CNTN5: variants seen among roughly 807,000 people sequenced by gnomAD.
CNTN5 encodes the protein contactin 5.
Under a neutral mutation model 129.1 loss-of-function variants are expected in CNTN5, and 77 were observed. The ratio of observed to expected loss-of-function variants is 0.60; its 90% CI spans 0.50 to 0.72. The LOEUF is 0.72. CNTN5 is among the 30% of genes least tolerant of loss of function. CNTN5 has a pLI of 0.00. For missense variants in CNTN5, 1,478 were observed against 1,328.8 expected (o/e 1.11, Z -1.75); for synonymous variants, 509 against 465.6 (o/e 1.09, Z -1.20).
chr11:99,952,410 T>G (rs538834829), intron 7 of CNTN5, among the ~76,000 whole-genome samples: 1 of 152,270 alleles, frequency 6.6e-6, no homozygotes, highest in Non-Finnish European at 1.5e-5. Context: ...AAAGACAATT[T>G]GTAAATATTA....
intron 3 of CNTN5, among the ~76,000 whole-genome samples, chr11:99,803,908 C>T (rs1418120531): frequency 1.4e-4 from 21 of 152,178 alleles, no homozygotes; most frequent in Non-Finnish European, 1.0e-4. Context: ...TCTTTACGAA[C>T]TCTTGCTCTT....
At chr11:99,706,134 GC>G (rs1490609729) in intron 3 of CNTN5, among the ~76,000 whole-genome samples, 1 of 151,436 alleles carries the variant, frequency 6.6e-6, no homozygotes, top group Non-Finnish European at 1.5e-5. Flanking sequence ...GGCTAGTGCT[GC>G]TATCAATAAA....
At chr11:99,590,396 G>C (rs773256258) in intron 3 of CNTN5, among the ~76,000 whole-genome samples, 3 of 152,128 alleles carry the variant, frequency 2.0e-5, no homozygotes, top group Non-Finnish European at 4.4e-5. Context: ...GTATGACTTT[G>C]TGCAATCACT....
intron 6 of CNTN5, among the ~76,000 whole-genome samples, chr11:99,892,715 T>C (rs1366651132): frequency 1.3e-5 from 2 of 152,168 alleles, no homozygotes; most frequent in African/African-American, 4.8e-5. Context: ...TACCATGCTG[T>C]TTTTGTTACT....
At chr11:100,254,749 C>T (rs1950033798) in intron 16 of CNTN5, among the ~76,000 whole-genome samples, 1 of 152,188 alleles carries the variant, frequency 6.6e-6, no homozygotes, top group South Asian at 2.1e-4. Context: ...TAGGGTTTAG[C>T]TCATGTCTCT....
intron 4 of CNTN5, among the ~76,000 whole-genome samples, chr11:99,825,505 T>C (rs950793962): frequency 6.6e-6 from 1 of 150,508 alleles, no homozygotes; most frequent in African/African-American, 2.4e-5. Flanking sequence ...GTAACATCAC[T>C]ATCTATAGTC....
Position 99,819,607 on chromosome 11 carries a change from G to C in CNTN5, c.119G>C (p.Ser40Thr). ...GCTGCTTTGTTAAGAATTAAGAAGA[G>C]TTCATCTTCATCTCTCTTTGGTTCC... ...SYAALLRIKK[S>T]SSSSLFGSKT... Residue 40 changes from serine to threonine, a missense_variant, in exon 4 of 25, where the codon AGT becomes ACT. Coordinates refer to ENST00000524871, the MANE Select transcript of CNTN5 (RefSeq NM_014361.4). The C allele has an allele frequency of 3.7e-6, 6 of 1,612,992 alleles. No individual in the cohort carries two copies. Among genetic ancestry groups the C allele is most frequent in the Non-Finnish European group, 4.2e-6 (5 of 1,179,824 alleles).
chr11:99,385,178 A>AT (rs140738262), intron 2 of CNTN5, among the ~76,000 whole-genome samples: 50,241 of 151,788 alleles, frequency 0.33, 8,237 homozygotes, highest in Non-Finnish European at 0.36. Flanking sequence ...CTCTCTTAGC[A>AT]TTTTTTCAAG....
intron 3 of CNTN5, among the ~76,000 whole-genome samples, chr11:99,600,360 G>A (rs905314089): frequency 6.6e-6 from 1 of 152,110 alleles, no homozygotes; most frequent in African/African-American, 2.4e-5. Context: ...AGGATGTTGT[G>A]AGCTAATGCA....
Position 100,193,546 on chromosome 11 carries a change from T to C in CNTN5, c.1767T>C (p.Ile589=). 2 of 1,610,888 alleles carry C rather than the reference T, an allele frequency of 1.2e-6. No homozygotes were observed. The highest frequency in any genetic ancestry group is 1.7e-6 in the Non-Finnish European group (2 of 1,178,042). ...CAGAATTGACAGTGGGAGAAAGCAT[T>C]GTCCTTAATTGCAAAGCAATTCACG... The part of the protein sequence containing the change: ...KRTELTVGES[I]VLNCKAIHDA... Residue 589 remains isoleucine (I), a synonymous_variant, in exon 15 of 25, where the codon ATT becomes ATC. Coordinates refer to ENST00000524871, the MANE Select transcript of CNTN5 (RefSeq NM_014361.4).
chr11:100,295,775 C>T (rs1951088699), intron 18 of CNTN5, among the ~76,000 whole-genome samples: 1 of 150,980 alleles, frequency 6.6e-6, no homozygotes, highest in Non-Finnish European at 1.5e-5. Context: ...GAATGATGTC[C>T]TCAAAGAAGA....
rs1270011686 is a variant in CNTN5 at position 100,134,485 on chromosome 11, A to C, written c.1581-56641A>C. On this transcript the variant is annotated intron_variant, in intron 13 of 24. Transcript: ENST00000524871. The stretch of plus-strand genomic sequence containing the variant: ...TAAAGTGCTTATGTCAGTGCCAGGC[A>C]TATGGCTAATGCCTAATAAATGATA... 5.9e-5 allele frequency among the ~76,000 whole-genome samples: 9 copies of C among 152,208 alleles called. No homozygotes were observed. The South Asian group carries it at 1.9e-3, about 31-fold the overall frequency.
rs1207257621 is a variant in CNTN5 at position 99,911,750 on chromosome 11, A to G, written c.578-4304A>G. On this transcript the variant is annotated intron_variant, in intron 6 of 24. Coordinates refer to ENST00000524871, the MANE Select transcript of CNTN5 (RefSeq NM_014361.4). ...TGTCTCAGGAGGTTAAAAAAAAAAA[A>G]AAGAAAAATAACTTTCTGAGTAGTT... is the stretch of plus-strand genomic sequence containing the variant. Among the ~76,000 whole-genome samples the G allele has an allele frequency of 2.6e-5, 4 of 151,856 alleles. No homozygotes were observed. In the East Asian group the frequency reaches 7.8e-4, roughly 29 times the overall value.
At chr11:100,063,674 C>T (rs1391543392) in intron 10 of CNTN5, among the ~76,000 whole-genome samples, 2 of 142,192 alleles carry the variant, frequency 1.4e-5, no homozygotes, top group East Asian at 2.2e-4. Context: ...AATTCCAACA[C>T]TTTGGGAGGC....
chr11:100,063,947 A>G (rs912834631), intron 10 of CNTN5, among the ~76,000 whole-genome samples: 9 of 152,156 alleles, frequency 5.9e-5, no homozygotes, highest in African/African-American at 2.2e-4. Flanking sequence ...TTGTACTTTT[A>G]AAACTGTCAT....
intron 3 of CNTN5, among the ~76,000 whole-genome samples, chr11:99,577,891 A>G (rs1280647783): frequency 2.6e-5 from 4 of 151,498 alleles, no homozygotes; most frequent in African/African-American, 9.7e-5. Flanking sequence ...GGTTTGTTAC[A>G]TATGTATACA....
intron 13 of CNTN5, among the ~76,000 whole-genome samples, chr11:100,189,814 T>A (rs946285035): frequency 3.3e-5 from 5 of 152,164 alleles, no homozygotes; most frequent in African/African-American, 1.2e-4. Context: ...CTCCTAGACT[T>A]AAATGACAAA....
chr11:99,644,530 C>T (rs1951880297), intron 3 of CNTN5, among the ~76,000 whole-genome samples: 1 of 152,132 alleles, frequency 6.6e-6, no homozygotes, highest in African/African-American at 2.4e-5. Context: ...CATTAGAATT[C>T]TGACGTTTAA....
intron 3 of CNTN5, among the ~76,000 whole-genome samples, chr11:99,610,216 AACTC>A (rs1950554129): frequency 6.6e-6 from 1 of 152,112 alleles, no homozygotes; most frequent in African/African-American, 2.4e-5. Context: ...TTTCCCAACT[AACTC>A]TAAAATATTC....
Sources: gnomAD v4.1 joint callset for allele counts (sites outside exome capture counted in the v4.1 genomes callset) on GRCh38, gnomAD v4.1.1 for gene constraint, MANE v1.5 for transcripts, NCBI Gene and HGNC (gene_info 2026-07-23, HGNC 2026-07-21) for gene names.